The following EFCAB6 variants were observed in gnomAD, a reference collection of about 807,000 sequenced individuals.
EFCAB6 encodes EF-hand calcium-binding domain-containing protein 6.
In EFCAB6, 156 loss-of-function variants were observed where a neutral mutation model predicts 169.8. The ratio of observed to expected loss-of-function variants is 0.92; its 90% CI spans 0.81 to 1.05. EFCAB6 has a LOEUF of 1.05. Among genes scored for constraint, EFCAB6 ranks in the 50% least tolerant of loss-of-function variants. The probability of loss-of-function intolerance (pLI) is 0.00; values close to 1 mark genes in which losing one functional copy is unlikely to be tolerated. For missense variants in EFCAB6, 1,800 were observed against 1,829.1 expected (o/e 0.98, Z 0.29); for synonymous variants, 698 against 676.4 (o/e 1.03, Z -0.50).
intron 17 of EFCAB6, among the ~76,000 whole-genome samples, chr22:43,654,918 T>G (rs1276313954): frequency 1.3e-5 from 2 of 152,060 alleles, no homozygotes; most frequent in Admixed American, 6.6e-5. Flanking sequence ...GTAGATTCAT[T>G]TGACAAATTA....
intron 20 of EFCAB6, among the ~76,000 whole-genome samples, chr22:43,623,738 A>C (rs2097374): frequency 1.0e-5 from 1 of 99,412 alleles, no homozygotes; most frequent in Non-Finnish European, 2.1e-5. Flanking sequence ...TACTAAAAAT[A>C]CAAAAAAAAA....
chr22:43,804,813 AAATACAGAGAATC>A (rs2062856674), intron 2 of EFCAB6, among the ~76,000 whole-genome samples: 1 of 152,156 alleles, frequency 6.6e-6, no homozygotes, highest in African/African-American at 2.4e-5. Context: ...AGACAAGAAA[AAATACAGAGAATC>A]AATGAAACAT....
At chr22:43,627,245 C>T (rs2054592954) in intron 19 of EFCAB6, among the ~76,000 whole-genome samples, 1 of 152,130 alleles carries the variant, frequency 6.6e-6, no homozygotes, top group Admixed American at 6.5e-5. Flanking sequence ...CACAGGGATT[C>T]CTATTTTGCA....
At chr22:43,770,822 C>CA (rs949976137) in intron 4 of EFCAB6, among the ~76,000 whole-genome samples, 22 of 139,260 alleles carry the variant, frequency 1.6e-4, no homozygotes, top group African/African-American at 2.4e-4. Flanking sequence ...TTCACAAATT[C>CA]AAAAAAAAAG....
intron 2 of EFCAB6, among the ~76,000 whole-genome samples, chr22:43,803,072 A>G (rs540988489): frequency 1.3e-5 from 2 of 152,326 alleles, no homozygotes; most frequent in East Asian, 3.9e-4. Flanking sequence ...AAGGAGGGGA[A>G]AACAAATTTA....
At chr22:43,573,624 G>A (rs1031275062) in intron 26 of EFCAB6, among the ~76,000 whole-genome samples, 7 of 151,758 alleles carry the variant, frequency 4.6e-5, no homozygotes, top group Admixed American at 4.6e-4. Context: ...CCAGCTACTC[G>A]GGCGGCTGAG....
chr22:43,540,402 C>A (rs768174378), intron 27 of EFCAB6, 45 bp from the exon 28 acceptor site: 2 of 1,610,584 alleles, frequency 1.2e-6, no homozygotes, highest in South Asian at 1.1e-5. Context: ...AGTGCAAACA[C>A]AGGCAGCGTC....
intron 2 of EFCAB6, among the ~76,000 whole-genome samples, chr22:43,789,064 G>A (rs1390320346): frequency 2.0e-5 from 3 of 152,150 alleles, no homozygotes; most frequent in Admixed American, 6.5e-5. Flanking sequence ...TGGCAGGGAA[G>A]GGGAAGCAGG....
At chr22:43,722,131 C>T (rs1410679103) in intron 8 of EFCAB6, among the ~76,000 whole-genome samples, 1 of 152,040 alleles carries the variant, frequency 6.6e-6, no homozygotes, top group Non-Finnish European at 1.5e-5. Flanking sequence ...ACACGGCCAA[C>T]AAACATATGA....
chr22:43,540,478 G>T, intron 27 of EFCAB6, 121 bp from the exon 28 acceptor site: 4 of 1,547,598 alleles, frequency 2.6e-6, no homozygotes, highest in East Asian at 2.4e-5. Context: ...CGTGACTGGT[G>T]AAGAAGAAAA....
intron 26 of EFCAB6, among the ~76,000 whole-genome samples, chr22:43,563,119 C>G (rs1288868312): frequency 6.6e-6 from 1 of 152,068 alleles, no homozygotes; most frequent in Non-Finnish European, 1.5e-5. Context: ...CACCAGTAAC[C>G]AAGCGCCGCC....
chr22:43,570,574 C>A (rs2049788168), intron 26 of EFCAB6, among the ~76,000 whole-genome samples: 1 of 150,212 alleles, frequency 6.7e-6, no homozygotes, highest in Non-Finnish European at 1.5e-5. Context: ...TTGTGGGAAT[C>A]TCATGAGAAG....
At chr22:43,791,626 C>G (rs2062293065) in intron 2 of EFCAB6, among the ~76,000 whole-genome samples, 1 of 151,920 alleles carries the variant, frequency 6.6e-6, no homozygotes, top group African/African-American at 2.4e-5. Flanking sequence ...GTGTCAAATG[C>G]CACCGTAATA....
chr22:43,726,585 G>A (rs1390249062), intron 8 of EFCAB6, among the ~76,000 whole-genome samples: 1 of 152,200 alleles, frequency 6.6e-6, no homozygotes, highest in Non-Finnish European at 1.5e-5. Flanking sequence ...GCTAGAATTT[G>A]GATATAAATT....
intron 22 of EFCAB6, 69 bp downstream of exon 22, chr22:43,608,413 C>G (rs2053068409): frequency 2.2e-6 from 3 of 1,393,492 alleles, no homozygotes; most frequent in African/African-American, 1.4e-5. Flanking sequence ...AAAGATTAGG[C>G]TGAATTTGCC....
At chr22:43,610,740 T>G (rs548210539) in intron 21 of EFCAB6, among the ~76,000 whole-genome samples, 1 of 152,300 alleles carries the variant, frequency 6.6e-6, no homozygotes, top group African/African-American at 2.4e-5. Flanking sequence ...AAAAAAAAAT[T>G]ATGCTTTAAA....
chr22:43,695,338 G>A (rs1245093591), intron 10 of EFCAB6, among the ~76,000 whole-genome samples: 1 of 151,866 alleles, frequency 6.6e-6, no homozygotes, highest in African/African-American at 2.4e-5. Flanking sequence ...ACTTTGACTA[G>A]GAAAATTAAA....
chr22:43,534,590 C>T, intron 30 of EFCAB6, 98 bp downstream of exon 30: 5 of 1,151,818 alleles, frequency 4.3e-6, no homozygotes, highest in Non-Finnish European at 4.7e-6. Context: ...CACTGTTCTC[C>T]AGTCTGGGCA....
chr22:43,537,013 G>A lies in EFCAB6; in HGVS notation c.4048+364C>T, dbSNP rs1342089555. 4.9e-5 allele frequency: 9 copies of A among 182,760 alleles called. No homozygotes were observed. The highest frequency in any genetic ancestry group is 7.9e-5 in the Non-Finnish European group (7 of 88,382). The allele number at this position is 182,760 out of a possible 1,614,324, so 11.3% of individuals were successfully genotyped here. A position where few individuals can be genotyped will look rare whatever the true frequency, so the allele number is the denominator to read the frequency against. ...AAGAGTGAATGTTGATGGGAATGGAGCCCCAGGAGTGTCCCCTTCATCCCG... is the reference window on the plus strand; with the variant it reads ...AAGAGTGAATGTTGATGGGAATGGAACCCCAGGAGTGTCCCCTTCATCCCG... On this transcript the variant is annotated intron_variant, in intron 29 of 31. Transcript: ENST00000262726. The surrounding 1 kb of genome is among the most constrained non-coding windows in gnomAD (Gnocchi z 4.3).
Sources: gnomAD v4.1 joint callset for allele counts (sites outside exome capture counted in the v4.1 genomes callset) on GRCh38, gnomAD v4.1.1 for gene constraint, Gnocchi (gnomAD v3.1) non-coding constraint, MANE v1.5 for transcripts, NCBI Gene and HGNC (gene_info 2026-07-23, HGNC 2026-07-21) for gene names.